SLC6A4: variants seen among roughly 807,000 people sequenced by gnomAD.
SLC6A4 encodes the protein solute carrier family 6 member 4, also known as sodium-dependent serotonin transporter.
In SLC6A4, 22 loss-of-function variants were observed where a neutral mutation model predicts 73.4. The observed-to-expected ratio is 0.30, with a 90% CI of 0.21 to 0.43. The LOEUF is 0.43. Among genes scored for constraint, SLC6A4 ranks in the 20% least tolerant of loss-of-function variants. The pLI, the probability that SLC6A4 is intolerant of heterozygous loss-of-function variation, is 1.00. For synonymous variants in SLC6A4, 270 were observed against 315.5 expected (o/e 0.86, Z 1.53); for missense variants, 593 against 808.5 (o/e 0.73, Z 3.23).
Position 30,217,298 on chromosome 17 carries a change from G to A in SLC6A4, c.705C>T (p.His235=), listed in dbSNP as rs41274284. Residue 235 remains histidine (H), a synonymous_variant, in exon 6 of 15, where the codon CAC becomes CAT. Transcript: ENST00000650711. ...CCTTAGACCGGTGGATCTGCAGGAC[G>A]TGGCGCCTGGGGTGAAGGAGAAAGA... ...TSPAEEFYTR[H]VLQIHRSKGL... The A allele has an allele frequency of 1.2e-3, 1,878 of 1,613,686 alleles. 7 individuals are homozygous for A. Among genetic ancestry groups the A allele is most frequent in the African/African-American group, 0.011 (796 of 75,012 alleles).
At chr17:30,231,868 G>A (rs1907125408) in intron 1 of SLC6A4, among the ~76,000 whole-genome samples, 1 of 152,050 alleles carries the variant, frequency 6.6e-6, no homozygotes, top group Admixed American at 6.5e-5. Context: ...AATTTGGTTC[G>A]CCTTTTAAAG....
At chr17:30,200,778 T>G (rs1567814554) in intron 14 of SLC6A4, among the ~76,000 whole-genome samples, 1 of 152,262 alleles carries the variant, frequency 6.6e-6, no homozygotes, top group African/African-American at 2.4e-5. Flanking sequence ...ACCTGTTTAT[T>G]TACTTATTTA....
Position 30,208,755 on chromosome 17 carries a change from G to A in SLC6A4, c.1549+388C>T, listed in dbSNP as rs986319993. On this transcript the variant is annotated intron_variant, in intron 12 of 14. Coordinates refer to ENST00000650711, the MANE Select transcript of SLC6A4 (RefSeq NM_001045.6). ...TGTCCAGACTGGAGTGCAGTGGCGC[G>A]ATCTTGGCTCACTGCAACCTCTGCC... is the stretch of plus-strand genomic sequence containing the variant. Among the ~76,000 whole-genome samples, 5 of 152,224 alleles carry A rather than the reference G, an allele frequency of 3.3e-5. No homozygotes were observed. In the East Asian group the frequency reaches 5.8e-4, roughly 18 times the overall value.
At chr17:30,234,866 A>G (rs1342537413) in intron 1 of SLC6A4, among the ~76,000 whole-genome samples, 1 of 152,180 alleles carries the variant, frequency 6.6e-6, no homozygotes, top group African/African-American at 2.4e-5. Context: ...TTCAATATGC[A>G]AAAGCCCCAG....
rs532089963 is a variant in SLC6A4, at chr17:30,200,105, G to A, written c.1819-1575C>T. ...AGTGGAGCTATCACCATAGCTCAGAGAGAGAAGAGATCACCGAGGTGTTTG... is the reference window on the plus strand; with the variant it reads ...AGTGGAGCTATCACCATAGCTCAGAAAGAGAAGAGATCACCGAGGTGTTTG... On this transcript the variant is annotated intron_variant, in intron 14 of 14. Transcript: ENST00000650711. Among the ~76,000 whole-genome samples, 3 of 152,356 alleles carry A rather than the reference G, an allele frequency of 2.0e-5. No homozygotes were observed. In the East Asian group the frequency reaches 5.8e-4, roughly 29 times the overall value.
chr17:30,217,423 T>A, intron 5 of SLC6A4, 119 bp from the exon 6 acceptor site: 1 of 999,346 alleles, frequency 1.0e-6, no homozygotes, highest in Non-Finnish European at 1.5e-6. Flanking sequence ...TAGGACCAAG[T>A]GGTCACTGAG....
At chr17:30,224,363 G>A (rs999238624) in intron 1 of SLC6A4, among the ~76,000 whole-genome samples, 3 of 152,044 alleles carry the variant, frequency 2.0e-5, no homozygotes, top group African/African-American at 4.8e-5. Flanking sequence ...GACTACAGGC[G>A]TGCTCCACCA....
At chr17:30,198,621 A>G (rs1905937855) in intron 14 of SLC6A4, 91 bp from the exon 15 acceptor site, 1 of 704,312 alleles carries the variant, frequency 1.4e-6, no homozygotes, top group Non-Finnish European at 2.5e-6. Flanking sequence ...CAAAGCTTAA[A>G]TAACACTTTA....
chr17:30,209,301 C>T (rs1906310841), intron 11 of SLC6A4, 59 bp from the exon 12 acceptor site: 1 of 1,012,082 alleles, frequency 9.9e-7, no homozygotes, highest in Non-Finnish European at 1.5e-6. Flanking sequence ...CTCCCAACTA[C>T]AGAGACCTGC....
At position 30,212,858 on chromosome 17, in the gene SLC6A4, C is replaced by G. The variant is rs750252235; in HGVS notation, c.1086G>C (p.Leu362=). ...TCATGCAGTTCACCACGCTGGTCAC[C>G]AGGGCATCTCTGGAGGGGAAAACCC... ...KFNNNCYQDA[L]VTSVVNCMTS... is the part of the protein sequence containing the mutation. The change falls in exon 9 of 15, where the codon CTG becomes CTC. Residue 362 remains leucine, a synonymous_variant. Transcript: ENST00000650711. 3 of 1,614,094 alleles carry G rather than the reference C, an allele frequency of 1.9e-6. No individual in the cohort carries two copies. In the South Asian group the frequency reaches 3.3e-5, roughly 18 times the overall value.
chr17:30,211,246 C>A lies in SLC6A4; in HGVS notation c.1317+66G>T. 1 of 1,072,448 alleles carries A rather than the reference C, an allele frequency of 9.3e-7. No homozygotes were observed. The allele number at this position is 1,072,448 out of a possible 1,614,324, so 66.4% of individuals were successfully genotyped here. The stretch of plus-strand genomic sequence containing the variant: ...GGCCAGGGATGGGAGGGAATTGAGT[C>A]CAGCTGAGTCCTCCTCCTTTCCTCT... On this transcript the variant is annotated intron_variant, in intron 10 of 14. Coordinates refer to ENST00000650711, the MANE Select transcript of SLC6A4 (RefSeq NM_001045.6). The surrounding 1 kb of genome is among the most constrained non-coding windows in gnomAD (Gnocchi z 4.0).
chr17:30,203,502 C>T (rs986447677), intron 13 of SLC6A4, 163 bp from the exon 14 acceptor site: 6 of 630,096 alleles, frequency 9.5e-6, no homozygotes, highest in Non-Finnish European at 1.6e-5. Flanking sequence ...GAATTACCAA[C>T]TTCTGTACCC....
intron 3 of SLC6A4, among the ~76,000 whole-genome samples, chr17:30,221,414 G>A: frequency 9.4e-6 from 1 of 106,834 alleles, no homozygotes; most frequent in East Asian, 2.1e-4. Context: ...AGCCCACCCG[G>A]GTCACAGCCC....
At position 30,212,935 on chromosome 17, in the gene SLC6A4, C is replaced by T. The variant is rs140103748; in HGVS notation, c.1077-68G>A. On this transcript the variant is annotated intron_variant, in intron 8 of 14. Coordinates refer to ENST00000650711, the MANE Select transcript of SLC6A4 (RefSeq NM_001045.6). ...ATCAGGGGTCTAAGGAGCATCTGTC[C>T]GTGTGCCTGCCCTGCCTTAGACAGG... 1.0e-4 allele frequency: 156 copies of T among 1,556,686 alleles called. 1 individual carries two copies. In the African/African-American group the frequency reaches 1.9e-3, roughly 19 times the overall value.
chr17:30,199,981 C>G (rs1905982027), intron 14 of SLC6A4, among the ~76,000 whole-genome samples: 1 of 151,520 alleles, frequency 6.6e-6, no homozygotes, highest in South Asian at 2.1e-4. Context: ...TCACTGCAGT[C>G]TTGAACCCCT....
Position 30,196,128 on chromosome 17 carries a change from T to C in SLC6A4, c.*2328A>G, listed in dbSNP as rs1303687505. The C allele has an allele frequency of 6.6e-6, 1 of 152,158 alleles. No homozygotes were observed. The highest frequency in any genetic ancestry group is 1.9e-4 in the East Asian group (1 of 5,198). The allele number at this position is 152,158 out of a possible 1,614,324, so 9.4% of individuals were successfully genotyped here. A position where few individuals can be genotyped will look rare whatever the true frequency, so the allele number is the denominator to read the frequency against. The stretch of plus-strand genomic sequence containing the variant: ...TCACTGCACCCAGCCTCTTGGGTAT[T>C]TCTTACTGATACAAGAAAAAAAACT... On this transcript the variant is annotated 3_prime_UTR_variant, in exon 15 of 15. Transcript: ENST00000650711.
chr17:30,205,737 G>A (rs1906172658), intron 13 of SLC6A4, among the ~76,000 whole-genome samples: 1 of 152,196 alleles, frequency 6.6e-6, no homozygotes, highest in Admixed American at 6.5e-5. Flanking sequence ...TGGGGGAAAG[G>A]AAGTCAAAGA....
chr17:30,215,601 AG>A lies in SLC6A4; in HGVS notation c.1076+9del. The A allele has an allele frequency of 5.6e-6, 9 of 1,608,276 alleles. No homozygotes were observed. The highest frequency in any genetic ancestry group is 7.7e-6 in the Non-Finnish European group (9 of 1,174,610). ...CTTTCAAGCTTTGCTTGGGGACCCC[AG>A]ATACTCACTGGTAGCAGTTGTTGTT... is the stretch of plus-strand genomic sequence containing the variant. On this transcript the variant is annotated intron_variant, in intron 8 of 14. Coordinates refer to ENST00000650711, the MANE Select transcript of SLC6A4 (RefSeq NM_001045.6).
At chr17:30,214,660 T>C (rs189487207) in intron 8 of SLC6A4, among the ~76,000 whole-genome samples, 2 of 144,588 alleles carry the variant, frequency 1.4e-5, no homozygotes, top group East Asian at 4.2e-4. Flanking sequence ...TTTGATGGAA[T>C]CTCACTCTGT....
Sources: allele counts gnomAD v4.1 joint callset (sites outside exome capture counted in the v4.1 genomes callset), GRCh38; gene constraint gnomAD v4.1.1; non-coding constraint Gnocchi (gnomAD v3.1); transcripts MANE v1.5; gene names NCBI Gene and HGNC (gene_info 2026-07-23, HGNC 2026-07-21).